The following RBM19 variants were observed in gnomAD, a reference collection of about 807,000 sequenced individuals.
RBM19 encodes the protein probable RNA-binding protein 19.
In RBM19, 94 loss-of-function variants were observed where a neutral mutation model predicts 116.8. The ratio of observed to expected loss-of-function variants is 0.80; its 90% CI spans 0.68 to 0.95. RBM19 has a LOEUF of 0.95. RBM19 is among the 40% of genes least tolerant of loss of function. RBM19 has a pLI of 0.00. For missense variants in RBM19, 1,161 were observed against 1,220.7 expected (o/e 0.95, Z 0.73); for synonymous variants, 475 against 494.1 (o/e 0.96, Z 0.51).
chr12:113,831,007 C>A (rs1445677231), intron 23 of RBM19, among the ~76,000 whole-genome samples: 1 of 152,128 alleles, frequency 6.6e-6, no homozygotes, highest in Non-Finnish European at 1.5e-5. Context: ...ACAGGGAGGG[C>A]TATGCATTGT....
At chr12:113,887,668 A>AAAAAGAG (rs1162571271) in intron 21 of RBM19, among the ~76,000 whole-genome samples, 33 of 151,510 alleles carry the variant, frequency 2.2e-4, no homozygotes, top group African/African-American at 8.0e-4. Context: ...AGAAAAAAGA[A>AAAAAGAG]AAAGCCAACA....
chr12:113,959,309 G>C lies in RBM19; in HGVS notation c.474C>G (p.Pro158=), dbSNP rs1344131516. 11 of 1,613,964 alleles carry C rather than the reference G, an allele frequency of 6.8e-6. No homozygotes were observed. Among genetic ancestry groups the C allele is most frequent in the Non-Finnish European group, 9.3e-6 (11 of 1,179,988 alleles). Reference sequence around the variant, plus strand: ...TGGCCGGCTTGCTCTTCCCTTTCGAGGGCTCAGCATCCAGGCCATCATTCG... The same window carrying C: ...TGGCCGGCTTGCTCTTCCCTTTCGACGGCTCAGCATCCAGGCCATCATTCG... ...TWANDGLDAE[P]SKGKSKPASD... is the part of the protein sequence containing the mutation. Residue 158 remains proline (P), a synonymous_variant, in exon 5 of 24, where the codon CCC becomes CCG. Transcript: ENST00000261741.
intron 23 of RBM19, among the ~76,000 whole-genome samples, chr12:113,841,525 G>A (rs1316055845): frequency 6.6e-6 from 1 of 150,526 alleles, no homozygotes; most frequent in African/African-American, 2.4e-5. Context: ...CCGGGTTCAA[G>A]TGCTTCTCCT....
intron 21 of RBM19, among the ~76,000 whole-genome samples, chr12:113,868,908 C>G (rs752133680): frequency 1.3e-5 from 2 of 152,206 alleles, no homozygotes; most frequent in African/African-American, 2.4e-5. Context: ...GACTTTGGTT[C>G]AGATCCCAGC....
chr12:113,853,024 T>C (rs1004569456), intron 22 of RBM19, among the ~76,000 whole-genome samples: 20 of 152,216 alleles, frequency 1.3e-4, no homozygotes, highest in African/African-American at 3.6e-4. Flanking sequence ...TCGCTCATCA[T>C]TGGTCCCTTC....
intron 8 of RBM19, 93 bp downstream of exon 8, chr12:113,952,419 G>A (rs1871546085): frequency 8.7e-7 from 1 of 1,153,640 alleles, no homozygotes; most frequent in African/African-American, 1.5e-5. Context: ...AAGAAAAACG[G>A]GTGCCCTTAA....
At chr12:113,879,067 A>C (rs1307753696) in intron 21 of RBM19, among the ~76,000 whole-genome samples, 1 of 152,000 alleles carries the variant, frequency 6.6e-6, no homozygotes, top group Non-Finnish European at 1.5e-5. Context: ...TCCTGTGAGC[A>C]CTTGGCTTCC....
intron 21 of RBM19, among the ~76,000 whole-genome samples, chr12:113,885,543 A>C (rs963158024): frequency 6.6e-6 from 1 of 152,236 alleles, no homozygotes; most frequent in African/African-American, 2.4e-5. Flanking sequence ...AGATCTATAG[A>C]TAAGATAACA....
chr12:113,892,210 A>G (rs1426836782), intron 21 of RBM19, among the ~76,000 whole-genome samples: 2 of 152,216 alleles, frequency 1.3e-5, no homozygotes, highest in African/African-American at 4.8e-5. Flanking sequence ...AACACAGACT[A>G]GAACTCAGGC....
chr12:113,956,526 A>T (rs2135936627), intron 6 of RBM19, among the ~76,000 whole-genome samples: 1 of 142,712 alleles, frequency 7.0e-6, no homozygotes, highest in East Asian at 2.2e-4. Context: ...GGCTGCAGTG[A>T]GCTGAGATCA....
chr12:113,966,002 C>T (rs55993817), intron 1 of RBM19, 190 bp downstream of exon 1: 54,074 of 627,330 alleles, frequency 0.086, 2,857 homozygotes, highest in African/African-American at 0.17. Flanking sequence ...AAACCGTAAG[C>T]AGTCACTATT....
At chr12:113,929,700 A>C (rs1440464252) in intron 16 of RBM19, among the ~76,000 whole-genome samples, 2 of 152,226 alleles carry the variant, frequency 1.3e-5, no homozygotes, top group African/African-American at 4.8e-5. Flanking sequence ...TGGAGATTAA[A>C]GGAGAAAGGA....
At chr12:113,856,452 T>C (rs990508531) in intron 22 of RBM19, among the ~76,000 whole-genome samples, 1 of 152,200 alleles carries the variant, frequency 6.6e-6, no homozygotes, top group Non-Finnish European at 1.5e-5. Context: ...CCAGCCCTGG[T>C]TGGACCCTCC....
intron 21 of RBM19, among the ~76,000 whole-genome samples, chr12:113,891,183 A>G (rs1880940241): frequency 6.6e-6 from 1 of 152,200 alleles, no homozygotes; most frequent in Non-Finnish European, 1.5e-5. Flanking sequence ...CAGGATCCCC[A>G]GCAAGAGAAA....
At chr12:113,876,808 T>C (rs544327379) in intron 21 of RBM19, among the ~76,000 whole-genome samples, 1 of 152,016 alleles carries the variant, frequency 6.6e-6, no homozygotes, top group East Asian at 1.9e-4. Flanking sequence ...ATAGTAATAA[T>C]ACAATAAAAA....
Position 113,946,287 on chromosome 12 carries a change from G to C in RBM19, c.1529+67C>G, listed in dbSNP as rs71467945. The C allele has an allele frequency of 1.9e-6, 3 of 1,609,290 alleles. No homozygotes were observed. In the African/African-American group the frequency reaches 4.0e-5, roughly 22 times the overall value. On this transcript the variant is annotated intron_variant, in intron 12 of 23. Coordinates refer to ENST00000261741, the MANE Select transcript of RBM19 (RefSeq NM_016196.4). ...GGAGTCAGAAGACCCAGGTGGCTTA[G>C]AAAGGGCAGGGTGAGGGTGGCAGAG...
At chr12:113,856,698 G>A (rs948952801) in intron 22 of RBM19, among the ~76,000 whole-genome samples, 1 of 152,166 alleles carries the variant, frequency 6.6e-6, no homozygotes, top group African/African-American at 2.4e-5. Flanking sequence ...GAGGCCCAGT[G>A]GGTGGCCAAA....
intron 21 of RBM19, among the ~76,000 whole-genome samples, chr12:113,860,423 G>A (rs1284856809): frequency 6.6e-6 from 1 of 152,230 alleles, no homozygotes; most frequent in African/African-American, 2.4e-5. Context: ...GAAGGGCGTG[G>A]ACAAATTTTC....
intron 21 of RBM19, among the ~76,000 whole-genome samples, chr12:113,872,397 G>A (rs1296947974): frequency 1.3e-5 from 2 of 150,038 alleles, no homozygotes; most frequent in Non-Finnish European, 3.0e-5. Context: ...GGGAGGTGGG[G>A]GGGTCAGCCC....
Sources: gnomAD v4.1 joint callset for allele counts (sites outside exome capture counted in the v4.1 genomes callset) on GRCh38, gnomAD v4.1.1 for gene constraint, MANE v1.5 for transcripts, NCBI Gene and HGNC (gene_info 2026-07-23, HGNC 2026-07-21) for gene names.